The following PDCD1LG2 variants were observed in gnomAD, a reference collection of about 807,000 sequenced individuals.
PDCD1LG2 encodes programmed cell death 1 ligand 2.
A neutral mutation model predicts 28.2 loss-of-function variants in PDCD1LG2; 32 were observed. The observed-to-expected ratio is 1.13, with a 90% CI of 0.86 to 1.52. PDCD1LG2 has a LOEUF of 1.52. Ranked by LOEUF, PDCD1LG2 falls within the 40% of genes most tolerant of loss-of-function variation. The pLI, the probability that PDCD1LG2 is intolerant of heterozygous loss-of-function variation, is 0.00. For missense variants in PDCD1LG2, 385 were observed against 323.8 expected (o/e 1.19, Z -1.45); for synonymous variants, 116 against 120.2 (o/e 0.97, Z 0.23).
intron 1 of PDCD1LG2, among the ~76,000 whole-genome samples, chr9:5,517,896 C>A (rs1586791029): frequency 6.6e-6 from 1 of 152,184 alleles, no homozygotes; most frequent in South Asian, 2.1e-4. Flanking sequence ...GAAGGCAAGA[C>A]TAGAAGGTAA....
chr9:5,516,612 C>A lies in PDCD1LG2; in HGVS notation c.-15+5809C>A, dbSNP rs1036827761. ...GTCCATGATGCCCAGGCTGTTCGTG[C>A]CGAGGGGTGCCTGCAGGCCTGCCCT... is the stretch of plus-strand genomic sequence containing the variant. On this transcript the variant is annotated intron_variant, in intron 1 of 6. Coordinates refer to ENST00000397747, the MANE Select transcript of PDCD1LG2 (RefSeq NM_025239.4). Among the ~76,000 whole-genome samples the A allele has an allele frequency of 5.3e-5, 8 of 152,340 alleles. No homozygotes were observed. The South Asian group carries it at 1.7e-3, about 32-fold the overall frequency.
intron 1 of PDCD1LG2, among the ~76,000 whole-genome samples, chr9:5,514,030 G>A (rs1820110048): frequency 1.3e-5 from 2 of 152,194 alleles, no homozygotes; most frequent in Admixed American, 1.3e-4. Flanking sequence ...ACTAGACACT[G>A]GGAGAGGGAA....
Position 5,571,176 on chromosome 9 carries a change from A to G in PDCD1LG2, c.*1217A>G. The G allele has an allele frequency of 4.3e-6, 1 of 232,958 alleles. No individual in the cohort carries two copies. Among genetic ancestry groups the G allele is most frequent in the Non-Finnish European group, 8.5e-6 (1 of 117,836 alleles). 14.4% of individuals were successfully genotyped at this position (232,958 alleles called of 1,614,324 possible). ...GGGTGTGAAATTGACTAACAGACAA[A>G]TCATACATCTCAGTTTCTCAATTCT... is the stretch of plus-strand genomic sequence containing the variant. On this transcript the variant is annotated 3_prime_UTR_variant, in exon 7 of 7. Coordinates refer to ENST00000397747, the MANE Select transcript of PDCD1LG2 (RefSeq NM_025239.4).
At chr9:5,555,219 C>T (rs1430865485) in intron 4 of PDCD1LG2, among the ~76,000 whole-genome samples, 1 of 152,110 alleles carries the variant, frequency 6.6e-6, no homozygotes, top group Non-Finnish European at 1.5e-5. Context: ...GTTCAAAAAT[C>T]AGCCTGGCTA....
At chr9:5,525,824 A>G (rs183610937) in intron 2 of PDCD1LG2, among the ~76,000 whole-genome samples, 32 of 152,040 alleles carry the variant, frequency 2.1e-4, no homozygotes, top group East Asian at 7.8e-4. Flanking sequence ...CAAGGTGGGC[A>G]GATCACGAGG....
rs145517327 is a variant in PDCD1LG2, at chr9:5,545,430, G to T, written c.362-3905G>T. 4.6e-5 allele frequency among the ~76,000 whole-genome samples: 7 copies of T among 152,340 alleles called. No homozygotes were observed. The East Asian group carries it at 1.3e-3, about 29-fold the overall frequency. ...TTAACTTGCTTATTGTATAATCATG[G>T]CAAAGACTGCTTCTAGAGGAAGTAG... On this transcript the variant is annotated intron_variant, in intron 3 of 6. Coordinates refer to ENST00000397747, the MANE Select transcript of PDCD1LG2 (RefSeq NM_025239.4).
chr9:5,520,905 T>C (rs1333678732), intron 1 of PDCD1LG2, among the ~76,000 whole-genome samples: 1 of 152,208 alleles, frequency 6.6e-6, no homozygotes, highest in Non-Finnish European at 1.5e-5. Context: ...AGACAAAGAC[T>C]TGTATATGAG....
At chr9:5,565,367 A>G (rs998916709) in intron 6 of PDCD1LG2, among the ~76,000 whole-genome samples, 4 of 152,130 alleles carry the variant, frequency 2.6e-5, no homozygotes, top group Non-Finnish European at 4.4e-5. Context: ...TATTTTTTGT[A>G]GAACTGGGGT....
In PDCD1LG2 at chr9:5,569,936, G is replaced by A. The variant is rs1816739989; in HGVS notation, c.817-18G>A. The A allele has an allele frequency of 3.1e-6, 5 of 1,613,068 alleles. No homozygotes were observed. Among genetic ancestry groups the A allele is most frequent in the Non-Finnish European group, 4.2e-6 (5 of 1,179,362 alleles). On this transcript the variant is annotated intron_variant, in intron 6 of 6. Transcript: ENST00000397747. The surrounding 1 kb of genome is among the most constrained non-coding windows in gnomAD (Gnocchi z 4.1). ...TCATAAAAAATGATTTTTCTTATTTGTGGGCTTTTCTCCCCAGATCTGAAC... is the reference window on the plus strand; with the variant it reads ...TCATAAAAAATGATTTTTCTTATTTATGGGCTTTTCTCCCCAGATCTGAAC...
At chr9:5,558,410 G>A (rs1405863157) in intron 5 of PDCD1LG2, among the ~76,000 whole-genome samples, 5 of 152,176 alleles carry the variant, frequency 3.3e-5, no homozygotes, top group Non-Finnish European at 4.4e-5. Flanking sequence ...CATTGTTCAT[G>A]TGTCTGTCTT....
At chr9:5,551,148 C>T (rs1816323985) in intron 4 of PDCD1LG2, among the ~76,000 whole-genome samples, 1 of 152,214 alleles carries the variant, frequency 6.6e-6, no homozygotes, top group East Asian at 1.9e-4. Flanking sequence ...GACATATTCA[C>T]ATGTTCCAGG....
intron 3 of PDCD1LG2, among the ~76,000 whole-genome samples, chr9:5,545,209 A>G (rs1346210714): frequency 2.0e-5 from 3 of 152,248 alleles, no homozygotes; most frequent in African/African-American, 7.2e-5. Flanking sequence ...TTCCTAAACA[A>G]GAAAACTGAG....
chr9:5,542,753 T>A (rs1820709857), intron 3 of PDCD1LG2, among the ~76,000 whole-genome samples: 1 of 152,178 alleles, frequency 6.6e-6, no homozygotes, highest in African/African-American at 2.4e-5. Flanking sequence ...GTACAACCAC[T>A]ATGGAAAACA....
chr9:5,550,193 GT>G (rs915925212), intron 4 of PDCD1LG2, among the ~76,000 whole-genome samples: 2 of 152,162 alleles, frequency 1.3e-5, no homozygotes, highest in Non-Finnish European at 2.9e-5. Flanking sequence ...CTGGTTATGG[GT>G]TTTTCCAAGA....
chr9:5,564,239 A>T (rs1016069042), intron 6 of PDCD1LG2, among the ~76,000 whole-genome samples: 6 of 152,230 alleles, frequency 3.9e-5, no homozygotes, highest in African/African-American at 1.4e-4. Flanking sequence ...CCTAGATTGC[A>T]TGCAGACTAC....
Position 5,570,364 on chromosome 9 carries a change from A to C in PDCD1LG2, c.*405A>C, listed in dbSNP as rs1195105298. On this transcript the variant is annotated 3_prime_UTR_variant, in exon 7 of 7. Coordinates refer to ENST00000397747, the MANE Select transcript of PDCD1LG2 (RefSeq NM_025239.4). ...CAGTAACAGAAACAGATGGGTTGCCAATAGAGTTATTTTTTATCTATAGCT... is the reference window on the plus strand; with the variant it reads ...CAGTAACAGAAACAGATGGGTTGCCCATAGAGTTATTTTTTATCTATAGCT... The C allele has an allele frequency of 4.0e-6, 1 of 248,736 alleles. No homozygotes were observed. Among genetic ancestry groups the C allele is most frequent in the African/African-American group, 2.2e-5 (1 of 45,840 alleles). The allele number at this position is 248,736 out of a possible 1,614,324, so 15.4% of individuals were successfully genotyped here. A position where few individuals can be genotyped will look rare whatever the true frequency, so the allele number is the denominator to read the frequency against.
At chr9:5,535,313 T>C (rs1023899300) in intron 3 of PDCD1LG2, among the ~76,000 whole-genome samples, 3 of 152,244 alleles carry the variant, frequency 2.0e-5, no homozygotes, top group Middle Eastern at 3.4e-3. Context: ...GTCCCTGAAA[T>C]GTGGGAGGGT....
At position 5,534,941 on chromosome 9, in the gene PDCD1LG2, G is replaced by A. The variant is rs1428033279; in HGVS notation, c.252G>A (p.Lys84=). Residue 84 remains lysine, a synonymous_variant, in exon 3 of 7, where the codon AAG becomes AAA. Coordinates refer to ENST00000397747, the MANE Select transcript of PDCD1LG2 (RefSeq NM_025239.4). ...TGGAGGAGCAGCTGCCCCTAGGGAA[G>A]GCCTCGTTCCACATACCTCAAGTCC... is the stretch of plus-strand genomic sequence containing the variant. ...TLLEEQLPLG[K]ASFHIPQVQV... The A allele has an allele frequency of 5.0e-6, 8 of 1,614,116 alleles. No individual in the cohort carries two copies. The South Asian group carries it at 7.7e-5, about 16-fold the overall frequency.
At chr9:5,513,620 T>C (rs1455426632) in intron 1 of PDCD1LG2, among the ~76,000 whole-genome samples, 2 of 152,366 alleles carry the variant, frequency 1.3e-5, no homozygotes, top group East Asian at 3.9e-4. Flanking sequence ...AAAATTGAGA[T>C]TTAATTTGAA....
Sources: allele counts gnomAD v4.1 joint callset (sites outside exome capture counted in the v4.1 genomes callset), GRCh38; gene constraint gnomAD v4.1.1; non-coding constraint Gnocchi (gnomAD v3.1); transcripts MANE v1.5; gene names NCBI Gene and HGNC (gene_info 2026-07-23, HGNC 2026-07-21).